OPCML: variants seen among roughly 807,000 people sequenced by gnomAD.
The protein encoded by OPCML is opioid binding protein/cell adhesion molecule like, also known as opioid-binding protein/cell adhesion molecule.
In OPCML, 13 loss-of-function variants were observed where a neutral mutation model predicts 37.8. That is an observed-to-expected ratio of 0.34 (90% confidence interval 0.22 to 0.55). The LOEUF (loss-of-function observed/expected upper bound fraction) is 0.55, where lower values mean the gene tolerates loss of function less well. Ranked by LOEUF, OPCML falls within the 20% of genes least tolerant of loss-of-function variation. The pLI is 0.91. For missense variants in OPCML, 341 were observed against 435.6 expected (o/e 0.78, Z 1.93); for synonymous variants, 176 against 168.8 (o/e 1.04, Z -0.33).
chr11:133,429,887 C>T (rs1254061845), intron 1 of OPCML, among the ~76,000 whole-genome samples: 1 of 152,002 alleles, frequency 6.6e-6, no homozygotes, highest in Non-Finnish European at 1.5e-5. Context: ...CTTTAGAGTT[C>T]AGGGGAGAGA....
chr11:132,960,842 T>C (rs1281326685), intron 1 of OPCML, among the ~76,000 whole-genome samples: 2 of 152,168 alleles, frequency 1.3e-5, no homozygotes, highest in African/African-American at 2.4e-5. Flanking sequence ...AATCAACCCA[T>C]GTTACTGGGG....
chr11:132,488,248 T>C (rs527889826), intron 4 of OPCML, among the ~76,000 whole-genome samples: 30 of 152,342 alleles, frequency 2.0e-4, no homozygotes, highest in South Asian at 6.2e-4. Flanking sequence ...AGTAATCAAA[T>C]AACTGAAATA....
chr11:133,120,295 T>C (rs1322965675), intron 1 of OPCML, among the ~76,000 whole-genome samples: 1 of 152,182 alleles, frequency 6.6e-6, no homozygotes, highest in Non-Finnish European at 1.5e-5. Context: ...TGTATAAATA[T>C]CATTTCCATT....
intron 1 of OPCML, among the ~76,000 whole-genome samples, chr11:133,034,351 G>A (rs1051364617): frequency 4.7e-5 from 7 of 149,890 alleles, no homozygotes. Flanking sequence ...GACAGACAGA[G>A]GGAGAGAGAG....
At chr11:132,523,660 A>G (rs1036186171) in intron 4 of OPCML, among the ~76,000 whole-genome samples, 1 of 152,204 alleles carries the variant, frequency 6.6e-6, no homozygotes, top group African/African-American at 2.4e-5. Flanking sequence ...GACAGTATTA[A>G]AGGGTCATAT....
intron 1 of OPCML, among the ~76,000 whole-genome samples, chr11:133,165,447 T>C (rs1055993166): frequency 1.3e-5 from 2 of 152,114 alleles, no homozygotes; most frequent in Non-Finnish European, 2.9e-5. Flanking sequence ...AACGAAGGGT[T>C]CCTTTTCCCT....
intron 2 of OPCML, among the ~76,000 whole-genome samples, chr11:132,674,419 T>G (rs1393891708): frequency 6.6e-6 from 1 of 152,154 alleles, no homozygotes; most frequent in African/African-American, 2.4e-5. Context: ...AGGCTGAACT[T>G]TTTGGCAGGG....
chr11:133,503,376 G>A (rs929919546), intron 1 of OPCML, among the ~76,000 whole-genome samples: 1 of 152,112 alleles, frequency 6.6e-6, no homozygotes, highest in Non-Finnish European at 1.5e-5. Flanking sequence ...AACTCAGCTG[G>A]TCAACAACCC....
intron 1 of OPCML, among the ~76,000 whole-genome samples, chr11:132,994,689 G>A (rs1011769891): frequency 6.6e-6 from 1 of 152,092 alleles, no homozygotes; most frequent in Admixed American, 6.5e-5. Flanking sequence ...AATTAAATGT[G>A]CGGAGCTGCC....
At chr11:132,659,474 C>T (rs1392900662) in intron 2 of OPCML, among the ~76,000 whole-genome samples, 5 of 152,140 alleles carry the variant, frequency 3.3e-5, no homozygotes, top group African/African-American at 1.2e-4. Flanking sequence ...TAAATTGAGA[C>T]AGAGTGAAGG....
At chr11:133,188,234 A>C (rs1430188593) in intron 1 of OPCML, among the ~76,000 whole-genome samples, 1 of 152,226 alleles carries the variant, frequency 6.6e-6, no homozygotes, top group Non-Finnish European at 1.5e-5. Context: ...GAGTGCTGTC[A>C]AACACTAGAA....
intron 1 of OPCML, among the ~76,000 whole-genome samples, chr11:133,012,809 A>G (rs1947244586): frequency 7.0e-6 from 1 of 142,798 alleles, no homozygotes; most frequent in Non-Finnish European, 1.5e-5. Context: ...AGGGAGGTGG[A>G]GGTTGCGGCG....
chr11:132,663,834 T>C (rs546328680), intron 2 of OPCML, among the ~76,000 whole-genome samples: 1 of 152,248 alleles, frequency 6.6e-6, no homozygotes, highest in South Asian at 2.1e-4. Context: ...TTTGTTTTTG[T>C]TTTTGTTTTT....
At chr11:132,831,301 GC>G (rs34028339) in intron 2 of OPCML, among the ~76,000 whole-genome samples, 13,246 of 152,204 alleles carry the variant, frequency 0.087, 644 homozygotes, top group Middle Eastern at 0.11. Context: ...TGCTCATTTA[GC>G]AGACAATGAA....
chr11:132,826,431 G>A (rs757685985), intron 2 of OPCML, among the ~76,000 whole-genome samples: 1 of 152,116 alleles, frequency 6.6e-6, no homozygotes, highest in Non-Finnish European at 1.5e-5. Flanking sequence ...TTGAACACAA[G>A]TAGTGAAATA....
Position 132,908,240 on chromosome 11 carries a change from T to C in OPCML, c.146+34686A>G, listed in dbSNP as rs573894034. On this transcript the variant is annotated intron_variant, in intron 2 of 7. Coordinates refer to ENST00000524381, the MANE Select transcript of OPCML (RefSeq NM_001012393.5). ...ACAAATGATGTTACAGAAAGAAAAG[T>C]GAAAGACATTAGTCCCCTCCCCCAA... is the stretch of plus-strand genomic sequence containing the variant. Among the ~76,000 whole-genome samples the C allele has an allele frequency of 4.4e-4, 66 of 150,898 alleles. 1 individual carries two copies. The highest frequency in any genetic ancestry group is 1.5e-3 in the African/African-American group (59 of 40,622).
At chr11:132,876,495 A>G (rs1428161472) in intron 2 of OPCML, among the ~76,000 whole-genome samples, 1 of 152,192 alleles carries the variant, frequency 6.6e-6, no homozygotes, top group Non-Finnish European at 1.5e-5. Flanking sequence ...TCTCAAAGAC[A>G]TTATCTGGAA....
intron 3 of OPCML, among the ~76,000 whole-genome samples, chr11:132,631,656 A>G (rs1221800975): frequency 2.0e-5 from 3 of 151,260 alleles, no homozygotes; most frequent in East Asian, 3.9e-4. Context: ...GTAGAGACAT[A>G]TATTTTTAAA....
chr11:132,792,576 C>T (rs376588015), intron 2 of OPCML, among the ~76,000 whole-genome samples: 25 of 152,290 alleles, frequency 1.6e-4, no homozygotes, highest in Middle Eastern at 3.4e-3. Context: ...TTTGCTGCGC[C>T]ATTTCCATAG....
Sources: allele counts gnomAD v4.1 joint callset (sites outside exome capture counted in the v4.1 genomes callset), GRCh38; gene constraint gnomAD v4.1.1; transcripts MANE v1.5; gene names NCBI Gene and HGNC (gene_info 2026-07-23, HGNC 2026-07-21).